MRPS11: variants seen among roughly 807,000 people sequenced by gnomAD.
MRPS11 encodes small ribosomal subunit protein uS11m.
Under a neutral mutation model 24.3 loss-of-function variants are expected in MRPS11, and 27 were observed. The ratio of observed to expected loss-of-function variants is 1.11; its 90% CI spans 0.82 to 1.53. The LOEUF is 1.53. MRPS11 is among the 40% of genes most tolerant of loss of function. MRPS11 has a pLI of 0.00. For missense variants in MRPS11, 277 were observed against 256.5 expected (o/e 1.08, Z -0.55); for synonymous variants, 104 against 98.7 (o/e 1.05, Z -0.32).
chr15:88,476,787 C>A, intron 4 of MRPS11: 1 of 583,942 alleles, frequency 1.7e-6, no homozygotes, highest in African/African-American at 1.9e-5. Context: ...ATCACAGTCA[C>A]GTGAATTCTG....
At chr15:88,467,856 C>T (rs769903901) in intron 1 of MRPS11, 52 bp from the exon 2 acceptor site, 1 of 1,612,632 alleles carries the variant, frequency 6.2e-7, no homozygotes, top group Non-Finnish European at 8.5e-7. Flanking sequence ...CTTGAGCCAC[C>T]CGGGCCCCAG....
In MRPS11 at chr15:88,467,805, A is replaced by G. The variant is rs535456354; in HGVS notation, c.65+23A>G. 155 of 1,613,856 alleles carry G rather than the reference A, an allele frequency of 9.6e-5. No individual in the cohort carries two copies. The South Asian group carries it at 1.6e-3, about 17-fold the overall frequency. ...CGGGTAACAAATGACTGCCCCCTCG[A>G]GCCCACCGCCACCTCCAGGACTATG... On this transcript the variant is annotated intron_variant, in intron 1 of 5. Transcript: ENST00000325844.
In MRPS11 at chr15:88,467,904, C is replaced by T. The variant is rs755353266; in HGVS notation, c.66-4C>T. ...CGTGGCCCTCACCGAGCTTTTCTTCCCAGCAGGGTCGTGGCCAGAACGCCG... is the reference window on the plus strand; with the variant it reads ...CGTGGCCCTCACCGAGCTTTTCTTCTCAGCAGGGTCGTGGCCAGAACGCCG... On this transcript the variant is annotated splice_region_variant and splice_polypyrimidine_tract_variant and intron_variant, in intron 1 of 5. Coordinates refer to ENST00000325844, the MANE Select transcript of MRPS11 (RefSeq NM_022839.5). 6.8e-6 allele frequency: 11 copies of T among 1,613,618 alleles called. No individual in the cohort carries two copies. The highest frequency in any genetic ancestry group is 9.3e-6 in the Non-Finnish European group (11 of 1,179,948).
Position 88,469,850 on chromosome 15 carries a change from C to T in MRPS11, c.182+1826C>T, listed in dbSNP as rs28722515. The stretch of plus-strand genomic sequence containing the variant: ...AGAACAAGCAGGATTTGTTAATATA[C>T]AGTGTGAGAAAAAGGAGCGAAGGAA... On this transcript the variant is annotated intron_variant, in intron 2 of 5. Transcript: ENST00000325844. This position sits in a 1 kb window ranked among gnomAD's most constrained non-coding sequence, Gnocchi z 4.4. Among the ~76,000 whole-genome samples the T allele has an allele frequency of 0.02, 3,106 of 152,174 alleles. 113 individuals carry two copies. The highest frequency in any genetic ancestry group is 0.069 in the African/African-American group (2,860 of 41,490).
intron 2 of MRPS11, chr15:88,468,242 AG>A (rs2055597296): frequency 1.1e-5 from 15 of 1,386,998 alleles, no homozygotes; most frequent in Non-Finnish European, 1.4e-5. Context: ...GTAAATGTTC[AG>A]TGAACATTCG....
chr15:88,476,956 C>A, intron 4 of MRPS11, 33 bp from the exon 5 acceptor site: 3 of 1,606,222 alleles, frequency 1.9e-6, no homozygotes. Context: ...GTAGTTCTCT[C>A]TCCGGGGCAC....
At chr15:88,476,264 G>T (rs887059493) in intron 4 of MRPS11, among the ~76,000 whole-genome samples, 1 of 152,170 alleles carries the variant, frequency 6.6e-6, no homozygotes, top group East Asian at 1.9e-4. Context: ...CACCGATTCA[G>T]TTCACTGATC....
chr15:88,477,976 G>A lies in MRPS11; in HGVS notation c.582G>A (p.Leu194=), dbSNP rs776609684. The part of the protein sequence containing the change: ...NGCRPRKARK[L] ...GCCGCCCCAGGAAGGCTCGGAAGCT[G>A]TGATGGGAAGGAGGCCTGCACTTGG... The change falls in exon 6 of 6, where the codon CTG becomes CTA. Residue 194 remains leucine, a synonymous_variant. Coordinates refer to ENST00000325844, the MANE Select transcript of MRPS11 (RefSeq NM_022839.5). The surrounding 1 kb of genome is among the most constrained non-coding windows in gnomAD (Gnocchi z 5.7). The A allele has an allele frequency of 2.5e-6, 4 of 1,613,930 alleles. No homozygotes were observed. The highest frequency in any genetic ancestry group is 3.4e-6 in the Non-Finnish European group (4 of 1,179,816).
Position 88,477,931 on chromosome 15 carries a change from C to A in MRPS11, c.537C>A (p.Thr179=), listed in dbSNP as rs1157476702. The A allele has an allele frequency of 3.7e-6, 6 of 1,614,168 alleles. No homozygotes were observed. Among genetic ancestry groups the A allele is most frequent in the South Asian group, 3.3e-5 (3 of 91,086 alleles). ...GLEVISITDN[T]PIPHNGCRPR... is the part of the protein sequence containing the mutation. ...AAGTGATCTCAATCACAGACAACACCCCAATCCCACACAACGGCTGCCGCC... is the reference window on the plus strand; with the variant it reads ...AAGTGATCTCAATCACAGACAACACACCAATCCCACACAACGGCTGCCGCC... Residue 179 remains threonine, a synonymous_variant, in exon 6 of 6, where the codon ACC becomes ACA. Coordinates refer to ENST00000325844, the MANE Select transcript of MRPS11 (RefSeq NM_022839.5). The surrounding 1 kb of genome is among the most constrained non-coding windows in gnomAD (Gnocchi z 5.7).
chr15:88,476,252 T>C (rs1442738821), intron 4 of MRPS11, among the ~76,000 whole-genome samples: 1 of 152,170 alleles, frequency 6.6e-6, no homozygotes, highest in African/African-American at 2.4e-5. Context: ...CCCAGAGCCA[T>C]GCACCGATTC....
In MRPS11 at chr15:88,476,998, C is replaced by A; in HGVS notation, c.421C>A (p.Gln141Lys). 1 of 1,613,966 alleles carries A rather than the reference C, an allele frequency of 6.2e-7. No homozygotes were observed. The highest frequency in any genetic ancestry group is 8.5e-7 in the Non-Finnish European group (1 of 1,179,970). Residue 141 changes from glutamine to lysine, a missense_variant, in exon 5 of 6, where the codon CAA becomes AAA. By Grantham distance (53) the Gln-to-Lys change is moderately conservative. Transcript: ENST00000325844. ...AGIAAAARAKQKGVIHIRVVV... is the reference protein window; with the variant it reads ...AGIAAAARAKKKGVIHIRVVV... The stretch of plus-strand genomic sequence containing the variant: ...CTCTGCTTCTCTCCAGAGAGCTAAA[C>A]AAAAGGGCGTGATCCACATCCGAGT...
At chr15:88,473,793 C>T (rs2055764939) in intron 3 of MRPS11, among the ~76,000 whole-genome samples, 1 of 152,178 alleles carries the variant, frequency 6.6e-6, no homozygotes, top group African/African-American at 2.4e-5. Flanking sequence ...GCTCTCCAGA[C>T]CAGAAATAGG....
At chr15:88,467,803 C>T in intron 1 of MRPS11, 21 bp downstream of exon 1, 1 of 1,613,948 alleles carries the variant, frequency 6.2e-7, no homozygotes, top group Non-Finnish European at 8.5e-7. Context: ...ACTGCCCCCT[C>T]GAGCCCACCG....
rs555636803 is a variant in MRPS11 at position 88,469,456 on chromosome 15, A to G, written c.182+1432A>G. Among the ~76,000 whole-genome samples the G allele has an allele frequency of 9.2e-5, 14 of 152,350 alleles. 1 individual carries two copies. The highest frequency in any genetic ancestry group is 3.1e-4 in the African/African-American group (13 of 41,584). On this transcript the variant is annotated intron_variant, in intron 2 of 5. Coordinates refer to ENST00000325844, the MANE Select transcript of MRPS11 (RefSeq NM_022839.5). This position sits in a 1 kb window ranked among gnomAD's most constrained non-coding sequence, Gnocchi z 4.4. ...TAAATTCCAGTGGGTAGAAGACAGT[A>G]AATAGAAAACAAGTAAAATGTAGGA... is the stretch of plus-strand genomic sequence containing the variant.
Position 88,477,003 on chromosome 15 carries a change from GGGCGT to G in MRPS11, c.428_432del (p.Gly143AspfsTer115). On this transcript the variant is annotated frameshift_variant, in exon 5 of 6. Coordinates refer to ENST00000325844, the MANE Select transcript of MRPS11 (RefSeq NM_022839.5). LOFTEE classifies it high-confidence loss of function. The surrounding 1 kb of genome is among the most constrained non-coding windows in gnomAD (Gnocchi z 5.7). Reference sequence around the variant, plus strand: ...CTTCTCTCCAGAGAGCTAAACAAAAGGGCGTGATCCACATCCGAGTTGTGGTGAAA... The same window carrying G: ...CTTCTCTCCAGAGAGCTAAACAAAAGGATCCACATCCGAGTTGTGGTGAAA... The G allele has an allele frequency of 1.2e-6, 2 of 1,613,998 alleles. No individual in the cohort carries two copies. The highest frequency in any genetic ancestry group is 8.5e-7 in the Non-Finnish European group (1 of 1,179,984).
Position 88,467,734 on chromosome 15 carries a change from A to G in MRPS11, c.17A>G (p.Asn6Ser), listed in dbSNP as rs371970512. The G allele has an allele frequency of 6.2e-7, 1 of 1,613,980 alleles. No individual in the cohort carries two copies. The highest frequency in any genetic ancestry group is 2.2e-5 in the East Asian group (1 of 44,862). ...ATTCAAGTCATGCAGGCTGTGAGAAACGCGGGGTCGCGGTTCCTGCGGTCC... is the reference window on the plus strand; with the variant it reads ...ATTCAAGTCATGCAGGCTGTGAGAAGCGCGGGGTCGCGGTTCCTGCGGTCC... MQAVR[N>S]AGSRFLRSWT... Residue 6 changes from asparagine (N) to serine (S), a missense_variant, in exon 1 of 6, where the codon AAC (asparagine) becomes AGC (serine). Transcript: ENST00000325844.
At position 88,479,526 on chromosome 15, in the gene MRPS11, G is replaced by A. The variant is rs564171237; in HGVS notation, c.*1547G>A. 6.6e-5 allele frequency: 10 copies of A among 152,216 alleles called. No individual in the cohort carries two copies. Among genetic ancestry groups the A allele is most frequent in the African/African-American group, 2.2e-4 (9 of 41,442 alleles). 9.4% of individuals were successfully genotyped at this position (152,216 alleles called of 1,614,324 possible). ...AGAAAGGAGGAAGATCACGAACCAA[G>A]ACATGAATTTAGAGGAAAAATGCCT... On this transcript the variant is annotated 3_prime_UTR_variant, in exon 6 of 6. Coordinates refer to ENST00000325844, the MANE Select transcript of MRPS11 (RefSeq NM_022839.5).
In MRPS11 at chr15:88,472,461, TCA is replaced by T. The variant is rs748204529; in HGVS notation, c.183-161_183-160del. On this transcript the variant is annotated intron_variant, in intron 2 of 5. Transcript: ENST00000325844. The stretch of plus-strand genomic sequence containing the variant: ...AGAAACAGCATCATAAGCACAGCAG[TCA>T]CACATGCGGTGGTGGCACCAGAAGG... The T allele has an allele frequency of 5.5e-4, 323 of 585,688 alleles. 1 individual carries two copies. The highest frequency in any genetic ancestry group is 5.2e-4 in the Non-Finnish European group (170 of 324,418). The allele number at this position is 585,688 out of a possible 1,614,324, so 36.3% of individuals were successfully genotyped here.
rs1474555889 is a variant in MRPS11 at position 88,469,550 on chromosome 15, A to AG, written c.182+1528dup. 6.6e-6 allele frequency among the ~76,000 whole-genome samples: 1 copy of AG among 152,206 alleles called. No individual in the cohort carries two copies. The highest frequency in any genetic ancestry group is 1.5e-5 in the Non-Finnish European group (1 of 68,024). ...ATAGCCACATTCTGTAGGACTTTGT[A>AG]GGCCGTTGTGAGGACTTCAGCTTTT... On this transcript the variant is annotated intron_variant, in intron 2 of 5. Coordinates refer to ENST00000325844, the MANE Select transcript of MRPS11 (RefSeq NM_022839.5). This position sits in a 1 kb window ranked among gnomAD's most constrained non-coding sequence, Gnocchi z 4.4.
Sources: gnomAD v4.1 joint callset for allele counts (sites outside exome capture counted in the v4.1 genomes callset) on GRCh38, gnomAD v4.1.1 for gene constraint, Gnocchi (gnomAD v3.1) non-coding constraint, MANE v1.5 for transcripts, NCBI Gene and HGNC (gene_info 2026-07-23, HGNC 2026-07-21) for gene names.